Variants in PRMT1 observed in about 807,000 individuals in gnomAD.
PRMT1 encodes protein arginine N-methyltransferase 1.
In PRMT1, 5 loss-of-function variants were observed where a neutral mutation model predicts 47.4. The ratio of observed to expected loss-of-function variants is 0.11; its 90% CI spans 0.06 to 0.22. The LOEUF (loss-of-function observed/expected upper bound fraction) is 0.22. Among genes scored for constraint, PRMT1 ranks in the 10% least tolerant of loss-of-function variants. The pLI is 1.00. For synonymous variants in PRMT1, 227 were observed against 204.6 expected, an observed-to-expected ratio of 1.11 and a Z score of -0.94; for missense variants, 249 against 518.4, an observed-to-expected ratio of 0.48 and a Z score of 5.05.
intron 1 of PRMT1, among the ~76,000 whole-genome samples, chr19:49,679,404 C>CT (rs1323168925): frequency 6.6e-6 from 1 of 152,188 alleles, no homozygotes; most frequent in Non-Finnish European, 1.5e-5. Context: ...AGACATGAGA[C>CT]TGGTTTGCAG....
At position 49,685,069 on chromosome 19, in the gene PRMT1, G is replaced by A; in HGVS notation, c.759+32G>A. ...GGGTGGGCATGGCCAGGTGCCCCCT[G>A]GGTTGAAACCAAAGAGAGGCCATCA... On this transcript the variant is annotated intron_variant, in intron 8 of 10. Coordinates refer to ENST00000454376, the MANE Select transcript of PRMT1 (RefSeq NM_001536.6). This position sits in a 1 kb window ranked among gnomAD's most constrained non-coding sequence, Gnocchi z 4.7. 6.2e-7 allele frequency: 1 copy of A among 1,613,884 alleles called. No individual in the cohort carries two copies. Among genetic ancestry groups the A allele is most frequent in the Non-Finnish European group, 8.5e-7 (1 of 1,179,886 alleles).
chr19:49,682,280 G>T, intron 5 of PRMT1, 21 bp downstream of exon 5: 1 of 1,610,892 alleles, frequency 6.2e-7, no homozygotes, highest in Non-Finnish European at 8.5e-7. Context: ...AAAGAGGATG[G>T]GTTTGTGGGA....
intron 1 of PRMT1, chr19:49,677,549 A>G (rs568110770): frequency 8.6e-5 from 34 of 394,324 alleles, no homozygotes; most frequent in African/African-American, 4.7e-4. Flanking sequence ...TCCCACGTGG[A>G]GGAGGGCTGG....
chr19:49,679,950 T>C (rs778558597), intron 2 of PRMT1, 25 bp downstream of exon 2: 1 of 1,595,820 alleles, frequency 6.3e-7, no homozygotes, highest in Admixed American at 1.7e-5. Flanking sequence ...GTGAGACCCC[T>C]CCCCACCCTG....
chr19:49,683,688 A>AG, intron 5 of PRMT1: 1 of 85,630 alleles, frequency 1.2e-5, no homozygotes, highest in Non-Finnish European at 2.0e-5. Flanking sequence ...ACTCCGTCTC[A>AG]AAAAAAAAAA....
Position 49,680,978 on chromosome 19 carries a change from G to A in PRMT1, c.192+390G>A, listed in dbSNP as rs2082110261. Among the ~76,000 whole-genome samples the A allele has an allele frequency of 6.6e-6, 1 of 152,240 alleles. No homozygotes were observed. Among genetic ancestry groups the A allele is most frequent in the African/African-American group, 2.4e-5 (1 of 41,454 alleles). On this transcript the variant is annotated intron_variant, in intron 3 of 10. Coordinates refer to ENST00000454376, the MANE Select transcript of PRMT1 (RefSeq NM_001536.6). This position sits in a 1 kb window ranked among gnomAD's most constrained non-coding sequence, Gnocchi z 4.2. ...ACACTGAAATCCCAGAACGAAGCTG[G>A]GGTGGCATTCTAAGGAATTTTCTTT...
rs757128021 is a variant in PRMT1 at position 49,681,875 on chromosome 19, C to A, written c.193-35C>A. The A allele has an allele frequency of 6.3e-7, 1 of 1,589,450 alleles. No homozygotes were observed. Among genetic ancestry groups the A allele is most frequent in the South Asian group, 1.1e-5 (1 of 88,342 alleles). On this transcript the variant is annotated intron_variant, in intron 3 of 10. Transcript: ENST00000454376. The surrounding 1 kb of genome is among the most constrained non-coding windows in gnomAD (Gnocchi z 4.4). Reference sequence around the variant, plus strand: ...CTGTTCTCCAGCTGGGGATATGGGGCCCCTCACGGCGTCTCTGTGCCATTC... The same window carrying A: ...CTGTTCTCCAGCTGGGGATATGGGGACCCTCACGGCGTCTCTGTGCCATTC...
intron 5 of PRMT1, among the ~76,000 whole-genome samples, chr19:49,682,976 C>T (rs891209902): frequency 8.6e-5 from 13 of 151,668 alleles, no homozygotes; most frequent in East Asian, 1.9e-4. Context: ...TTAGTAGAGA[C>T]GGGGTTTCAC....
At chr19:49,686,387 G>C in intron 9 of PRMT1, 144 bp downstream of exon 9, 1 of 1,281,578 alleles carries the variant, frequency 7.8e-7, no homozygotes, top group Non-Finnish European at 1.1e-6. Flanking sequence ...TAGCAGTCAC[G>C]TGGCCTTGGG....
upstream of PRMT1, chr19:49,676,984 T>G: frequency 5.6e-6 from 2 of 356,270 alleles, no homozygotes; most frequent in Non-Finnish European, 1.0e-5. Context: ...TCCTGGTGGA[T>G]TTTGCCCAAT....
In PRMT1 at chr19:49,681,900, C is replaced by T. The variant is rs2082123679; in HGVS notation, c.193-10C>T. ...CCCCTCACGGCGTCTCTGTGCCATT[C>T]TTGCCCTAGGAGATGCTGAAGGACG... On this transcript the variant is annotated splice_polypyrimidine_tract_variant and intron_variant, in intron 3 of 10. Transcript: ENST00000454376. This position sits in a 1 kb window ranked among gnomAD's most constrained non-coding sequence, Gnocchi z 4.4. 5.0e-6 allele frequency: 8 copies of T among 1,611,192 alleles called. No individual in the cohort carries two copies. The Middle Eastern group carries it at 5.0e-4, about 100-fold the overall frequency.
At chr19:49,686,781 T>TCTCGGTGGTCGCCG (rs1475910438) in intron 10 of PRMT1, 55 bp downstream of exon 10, 1 of 584,202 alleles carries the variant, frequency 1.7e-6, no homozygotes, top group Non-Finnish European at 2.1e-6. Flanking sequence ...GGAGTGTAGA[T>TCTCGGTGGTCGCCG]TGGGGGGGGA....
At position 49,684,816 on chromosome 19, in the gene PRMT1, G is replaced by C. The variant is rs928363381; in HGVS notation, c.618G>C (p.Arg206=). ...ATLYVTAIED[R]QYKDYKIHWW... The stretch of plus-strand genomic sequence containing the variant: ...TGTATGTGACGGCCATCGAGGACCG[G>C]CAGTACAAAGACTACAAGATCCACT... The change falls in exon 7 of 11, where the codon CGG becomes CGC. Residue 206 remains arginine, a synonymous_variant. Transcript: ENST00000454376. This position sits in a 1 kb window ranked among gnomAD's most constrained non-coding sequence, Gnocchi z 6.2. 1 of 1,604,190 alleles carries C rather than the reference G, an allele frequency of 6.2e-7. No homozygotes were observed. Among genetic ancestry groups the C allele is most frequent in the African/African-American group, 1.3e-5 (1 of 74,856 alleles).
Position 49,677,319 on chromosome 19 carries a change from G to C in PRMT1, c.36+3G>C. On this transcript the variant is annotated splice_donor_region_variant and intron_variant, in intron 1 of 10. Coordinates refer to ENST00000454376, the MANE Select transcript of PRMT1 (RefSeq NM_001536.6). Reference sequence around the variant, plus strand: ...AGGCCGCGAACTGCATCATGGAGGTGAGCGCTTGGAGCGCCGCCGTGGGCG... The same window carrying C: ...AGGCCGCGAACTGCATCATGGAGGTCAGCGCTTGGAGCGCCGCCGTGGGCG... The C allele has an allele frequency of 7.2e-7, 1 of 1,395,556 alleles. No homozygotes were observed. The highest frequency in any genetic ancestry group is 9.3e-7 in the Non-Finnish European group (1 of 1,070,124). 86.4% of individuals were successfully genotyped at this position (1,395,556 alleles called of 1,614,324 possible).
chr19:49,687,726 G>A (rs996156119), intron 10 of PRMT1: 4 of 217,042 alleles, frequency 1.8e-5, no homozygotes, highest in South Asian at 7.7e-5. Context: ...GTCCTCGGGC[G>A]TTGGTGACTT....
chr19:49,677,406 A>C, intron 1 of PRMT1, 90 bp downstream of exon 1: 1 of 1,206,758 alleles, frequency 8.3e-7, no homozygotes, highest in Non-Finnish European at 1.1e-6. Flanking sequence ...TAAGTTGGCG[A>C]TATGGGGTTG....
rs1012502987 is a variant in PRMT1, at chr19:49,684,601, C to T, written c.556-153C>T. Among the ~76,000 whole-genome samples, 4 of 152,098 alleles carry T rather than the reference C, an allele frequency of 2.6e-5. No homozygotes were observed. Among genetic ancestry groups the T allele is most frequent in the African/African-American group, 9.7e-5 (4 of 41,412 alleles). ...TGGGGTGCCCCTGGGTGCCCTCTGG[C>T]GGCCGTGTGGGAAATAGACCAGGGG... On this transcript the variant is annotated intron_variant, in intron 6 of 10. Coordinates refer to ENST00000454376, the MANE Select transcript of PRMT1 (RefSeq NM_001536.6). The surrounding 1 kb of genome is among the most constrained non-coding windows in gnomAD (Gnocchi z 6.2).
chr19:49,679,749 A>C (rs1599937874), intron 1 of PRMT1, 123 bp from the exon 2 acceptor site: 3 of 676,680 alleles, frequency 4.4e-6, no homozygotes, highest in African/African-American at 2.1e-5. Flanking sequence ...CTTCGCCACC[A>C]CTCCCCACCA....
chr19:49,682,468 C>G (rs2082133444), intron 5 of PRMT1, among the ~76,000 whole-genome samples: 1 of 152,184 alleles, frequency 6.6e-6, no homozygotes, highest in Non-Finnish European at 1.5e-5. Context: ...AAGAAGCACT[C>G]TCTAGTTTCT....
Sources: allele counts gnomAD v4.1 joint callset (sites outside exome capture counted in the v4.1 genomes callset), GRCh38; gene constraint gnomAD v4.1.1; non-coding constraint Gnocchi (gnomAD v3.1); transcripts MANE v1.5; gene names NCBI Gene and HGNC (gene_info 2026-07-23, HGNC 2026-07-21).